Variants in ABCA13 observed in about 807,000 individuals in gnomAD.
ABCA13 encodes the protein ATP binding cassette subfamily A member 13.
A neutral mutation model predicts 478.7 loss-of-function variants in ABCA13; 476 were observed. That is an observed-to-expected ratio of 0.99 (90% CI 0.92 to 1.07). The LOEUF is 1.07. Among genes scored for constraint, ABCA13 ranks in the 50% least tolerant of loss-of-function variants. The probability of loss-of-function intolerance (pLI) is 0.00; values close to 1 mark genes in which losing one functional copy is unlikely to be tolerated. For missense variants in ABCA13, 6,060 were observed against 5,910.6 expected, an observed-to-expected ratio of 1.03 and a Z score of -0.83; for synonymous variants, 2,252 against 2,158.9, an observed-to-expected ratio of 1.04 and a Z score of -1.20.
chr7:48,506,302 G>A, intron 48 of ABCA13, 34 bp from the exon 49 acceptor site: 1 of 1,609,286 alleles, frequency 6.2e-7, no homozygotes, highest in Non-Finnish European at 8.5e-7. Flanking sequence ...GCAGGAGCAG[G>A]CTGAAGGCTC....
intron 42 of ABCA13, among the ~76,000 whole-genome samples, chr7:48,449,124 T>C (rs2129180582): frequency 6.6e-6 from 1 of 152,376 alleles, no homozygotes; most frequent in South Asian, 2.1e-4. Context: ...ATTACAGGCA[T>C]GAGCCACTGT....
intron 23 of ABCA13, among the ~76,000 whole-genome samples, chr7:48,304,216 A>T (rs1365897664): frequency 6.6e-6 from 1 of 152,216 alleles, no homozygotes; most frequent in Non-Finnish European, 1.5e-5. Context: ...ACTTCTTAAA[A>T]ACTGTAGATA....
At chr7:48,400,036 G>A (rs947401638) in intron 38 of ABCA13, among the ~76,000 whole-genome samples, 4 of 142,386 alleles carry the variant, frequency 2.8e-5, no homozygotes, top group African/African-American at 5.4e-5. Flanking sequence ...CCTGGCAAGT[G>A]CTTTCCTCTT....
At chr7:48,606,772 C>A (rs1195266341) in intron 58 of ABCA13, among the ~76,000 whole-genome samples, 1 of 152,230 alleles carries the variant, frequency 6.6e-6, no homozygotes, top group African/African-American at 2.4e-5. Context: ...GTCTTCAGAG[C>A]TGTCAGACAG....
chr7:48,186,540 G>A (rs147452950), intron 1 of ABCA13, among the ~76,000 whole-genome samples: 139,985 of 151,714 alleles, frequency 0.92, 65,334 homozygotes, highest in Non-Finnish European at 0.99. Context: ...AATGTGGTAT[G>A]TACTTTATCT....
intron 20 of ABCA13, among the ~76,000 whole-genome samples, chr7:48,293,194 C>CA (rs1554419619): frequency 3.3e-4 from 43 of 128,426 alleles, no homozygotes; most frequent in African/African-American, 1.1e-3. Context: ...AGTCTTCAGC[C>CA]CCCCCCCCGC....
At chr7:48,369,902 A>C (rs961118184) in intron 32 of ABCA13, among the ~76,000 whole-genome samples, 6 of 151,654 alleles carry the variant, frequency 4.0e-5, no homozygotes, top group Non-Finnish European at 7.4e-5. Flanking sequence ...TATGAATTTT[A>C]GGATTTTTTT....
chr7:48,244,966 G>A (rs766687708), intron 11 of ABCA13, among the ~76,000 whole-genome samples: 1 of 152,182 alleles, frequency 6.6e-6, no homozygotes, highest in Non-Finnish European at 1.5e-5. Context: ...GACAAGCAGT[G>A]TCCTAAGGCT....
chr7:48,345,295 A>G (rs1353084598), intron 29 of ABCA13, among the ~76,000 whole-genome samples: 3 of 152,160 alleles, frequency 2.0e-5, no homozygotes, highest in Non-Finnish European at 4.4e-5. Flanking sequence ...TGTACTTCAT[A>G]TATATATTTA....
intron 43 of ABCA13, among the ~76,000 whole-genome samples, chr7:48,461,783 G>A (rs898815270): frequency 6.6e-6 from 1 of 152,132 alleles, no homozygotes; most frequent in Non-Finnish European, 1.5e-5. Context: ...TGTGGACAGT[G>A]AACTCACAGA....
intron 47 of ABCA13, among the ~76,000 whole-genome samples, chr7:48,488,986 C>A (rs1281984567): frequency 6.6e-6 from 1 of 152,004 alleles, no homozygotes; most frequent in East Asian, 1.9e-4. Context: ...AATTATAGAG[C>A]AACATTCACA....
chr7:48,281,310 C>T (rs1230369637), intron 18 of ABCA13, 33 bp from the exon 19 acceptor site: 2 of 1,549,600 alleles, frequency 1.3e-6, no homozygotes, highest in Admixed American at 3.9e-5. Flanking sequence ...CATTTTTACC[C>T]TTTTATGTCA....
At chr7:48,288,166 G>A (rs1030102128) in intron 20 of ABCA13, 88 bp downstream of exon 20, 30 of 1,197,692 alleles carry the variant, frequency 2.5e-5, no homozygotes, top group South Asian at 1.5e-4. Context: ...TTGCTGCTTC[G>A]TTCTTATAAC....
At chr7:48,196,268 C>A (rs1164847527) in intron 2 of ABCA13, among the ~76,000 whole-genome samples, 1 of 152,150 alleles carries the variant, frequency 6.6e-6, no homozygotes, top group Non-Finnish European at 1.5e-5. Flanking sequence ...TGCTTTGTAT[C>A]AGGACTGCAG....
At chr7:48,376,296 A>T in intron 34 of ABCA13, 145 bp from the exon 35 acceptor site, 3 of 855,474 alleles carry the variant, frequency 3.5e-6, no homozygotes, top group Non-Finnish European at 3.4e-6. Context: ...TTTCATGAAA[A>T]GTTATGGCCA....
intron 8 of ABCA13, among the ~76,000 whole-genome samples, chr7:48,238,088 T>C (rs911379164): frequency 6.6e-6 from 1 of 152,226 alleles, no homozygotes; most frequent in African/African-American, 2.4e-5. Context: ...GTTTAGTCAA[T>C]TCAGGCTGTT....
At chr7:48,219,210 G>A (rs118121619) in intron 3 of ABCA13, 144 bp from the exon 4 acceptor site, 21,765 of 731,148 alleles carry the variant, frequency 0.03, 399 homozygotes, top group Middle Eastern at 0.039. Context: ...AGGGTCAGGT[G>A]AAATGGGCTC....
At chr7:48,314,138 A>G in intron 25 of ABCA13, 94 bp from the exon 26 acceptor site, 1 of 1,327,848 alleles carries the variant, frequency 7.5e-7, no homozygotes, top group Non-Finnish European at 1.0e-6. Flanking sequence ...TATCTTGTAC[A>G]TTCAGTGGAG....
intron 1 of ABCA13, among the ~76,000 whole-genome samples, chr7:48,182,875 G>C (rs1795875727): frequency 6.6e-6 from 1 of 152,132 alleles, no homozygotes; most frequent in Non-Finnish European, 1.5e-5. Flanking sequence ...GCTTGGACTT[G>C]TGCTTTGTTG....
Sources: gnomAD v4.1 joint callset for allele counts (sites outside exome capture counted in the v4.1 genomes callset) on GRCh38, gnomAD v4.1.1 for gene constraint, MANE v1.5 for transcripts, NCBI Gene and HGNC (gene_info 2026-07-23, HGNC 2026-07-21) for gene names.